The following TMEM117 variants were observed in gnomAD, a reference collection of about 807,000 sequenced individuals.
TMEM117 encodes transmembrane protein 117.
In TMEM117, 27 loss-of-function variants were observed where a neutral mutation model predicts 52.4. The observed-to-expected ratio is 0.51, with a 90% confidence interval of 0.38 to 0.71. The LOEUF (loss-of-function observed/expected upper bound fraction) is 0.71, where lower values mean the gene tolerates loss of function less well. TMEM117 is among the 30% of genes least tolerant of loss of function. The probability of loss-of-function intolerance (pLI) is 0.00; values close to 1 mark genes in which losing one functional copy is unlikely to be tolerated. For missense variants in TMEM117, 556 were observed against 630.5 expected (o/e 0.88, Z 1.26); for synonymous variants, 215 against 206.3 (o/e 1.04, Z -0.36).
intron 4 of TMEM117, among the ~76,000 whole-genome samples, chr12:44,150,356 A>G (rs985303719): frequency 6.6e-6 from 1 of 152,154 alleles, no homozygotes; most frequent in Non-Finnish European, 1.5e-5. Context: ...ATATAGTTCT[A>G]TGGTGTCACA....
the TMEM117 span, chr12:43,798,698 A>C: frequency 1.7e-6 from 2 of 1,161,144 alleles, no homozygotes. Flanking sequence ...CCTTGCTACC[A>C]GTTTAATATT....
At chr12:44,115,620 C>T (rs1565834168) in intron 3 of TMEM117, among the ~76,000 whole-genome samples, 2 of 151,876 alleles carry the variant, frequency 1.3e-5, no homozygotes, top group South Asian at 4.2e-4. Context: ...ATGTTCCCAC[C>T]GTAGTTTTAT....
At chr12:44,205,522 G>A (rs59375742) in intron 4 of TMEM117, among the ~76,000 whole-genome samples, 38,532 of 152,006 alleles carry the variant, frequency 0.25, 8,510 homozygotes, top group African/African-American at 0.6. Flanking sequence ...CAAAGGTCTG[G>A]TAGCCAGAAT....
intron 4 of TMEM117, among the ~76,000 whole-genome samples, chr12:44,196,914 TG>T: frequency 6.6e-6 from 1 of 152,364 alleles, no homozygotes; most frequent in Non-Finnish European, 1.5e-5. Flanking sequence ...AGTCTTTTCT[TG>T]GACTTGCCAT....
chr12:44,262,857 G>T (rs1592648931), intron 5 of TMEM117, among the ~76,000 whole-genome samples: 1 of 152,204 alleles, frequency 6.6e-6, no homozygotes, highest in South Asian at 2.1e-4. Context: ...AAAGTGCTGG[G>T]ATTACAGGCG....
At chr12:44,218,386 A>G (rs757086955) in intron 5 of TMEM117, among the ~76,000 whole-genome samples, 1 of 152,194 alleles carries the variant, frequency 6.6e-6, no homozygotes, top group Non-Finnish European at 1.5e-5. Context: ...ATGAATAAAA[A>G]CCACAGTTAT....
intron 3 of TMEM117, among the ~76,000 whole-genome samples, chr12:43,975,390 A>G (rs1398137095): frequency 6.6e-6 from 1 of 152,204 alleles, no homozygotes; most frequent in African/African-American, 2.4e-5. Flanking sequence ...ATAATTATAG[A>G]TAATAGTTAT....
intron 3 of TMEM117, among the ~76,000 whole-genome samples, chr12:44,093,380 A>T (rs1037469899): frequency 1.3e-5 from 2 of 152,038 alleles, no homozygotes; most frequent in African/African-American, 4.8e-5. Context: ...TGATTTTTTA[A>T]GTTTCTGAAA....
chr12:43,891,367 A>ATTTTTTTTTTTT (rs772754829), intron 2 of TMEM117, among the ~76,000 whole-genome samples: 13,473 of 57,596 alleles, frequency 0.23, 4,884 homozygotes, highest in Non-Finnish European at 0.31. Context: ...TACCTCTTGA[A>ATTTTTTTTTTTT]TTTTTTTTTT....
At chr12:44,318,498 G>C (rs1326971638) in intron 6 of TMEM117, 6 of 152,126 alleles carry the variant, frequency 3.9e-5, no homozygotes, top group Non-Finnish European at 8.8e-5. Flanking sequence ...GGGTGGCTAA[G>C]GTTGCTGATC....
chr12:44,033,793 T>C (rs569526552), intron 3 of TMEM117, among the ~76,000 whole-genome samples: 1 of 152,350 alleles, frequency 6.6e-6, no homozygotes, highest in African/African-American at 2.4e-5. Context: ...ATAAAAATGC[T>C]TTTAATATAA....
At chr12:43,861,170 G>A (rs1240007490) in intron 2 of TMEM117, among the ~76,000 whole-genome samples, 1 of 152,160 alleles carries the variant, frequency 6.6e-6, no homozygotes, top group Non-Finnish European at 1.5e-5. Flanking sequence ...GTGGAGGTGG[G>A]GAGCGTGGTC....
chr12:43,927,513 A>G (rs772670285), intron 2 of TMEM117, among the ~76,000 whole-genome samples: 1 of 151,574 alleles, frequency 6.6e-6, no homozygotes, highest in South Asian at 2.1e-4. Context: ...CACACTGATT[A>G]TAGATTTTTA....
chr12:44,002,628 G>T (rs1175022960), intron 3 of TMEM117, among the ~76,000 whole-genome samples: 7 of 152,062 alleles, frequency 4.6e-5, no homozygotes, highest in Non-Finnish European at 8.8e-5. Flanking sequence ...TCCCTGGGTT[G>T]TCCAGATCTA....
At chr12:43,908,485 C>G (rs1324670251) in intron 2 of TMEM117, among the ~76,000 whole-genome samples, 2 of 117,650 alleles carry the variant, frequency 1.7e-5, no homozygotes. Flanking sequence ...GGATCAGATT[C>G]ACACATAACA....
intron 4 of TMEM117, among the ~76,000 whole-genome samples, chr12:44,203,148 G>A (rs60985254): frequency 0.078 from 11,895 of 151,574 alleles, 1,407 homozygotes; most frequent in African/African-American, 0.26. Context: ...AATTTGTTTC[G>A]GTCTTCTCAG....
At chr12:43,867,560 C>A (rs972378802) in intron 2 of TMEM117, among the ~76,000 whole-genome samples, 1 of 151,872 alleles carries the variant, frequency 6.6e-6, no homozygotes, top group African/African-American at 2.4e-5. Context: ...AAAGTTTGAT[C>A]CAAGTATATA....
At chr12:44,189,337 A>T (rs980968385) in intron 4 of TMEM117, among the ~76,000 whole-genome samples, 12 of 152,192 alleles carry the variant, frequency 7.9e-5, no homozygotes, top group African/African-American at 2.7e-4. Context: ...GCAGAAAATG[A>T]TATTTCTCTC....
upstream of TMEM117, chr12:43,835,928 C>T (rs1728799273): frequency 6.6e-6 from 1 of 151,710 alleles, no homozygotes; most frequent in Admixed American, 6.6e-5. Context: ...TGCGCGGCGC[C>T]GGTGCCCTTG....
Sources: allele counts gnomAD v4.1 joint callset (sites outside exome capture counted in the v4.1 genomes callset), GRCh38; gene constraint gnomAD v4.1.1; transcripts MANE v1.5; gene names NCBI Gene and HGNC (gene_info 2026-07-23, HGNC 2026-07-21).